Variants in NRXN3 observed in about 807,000 individuals in gnomAD.
NRXN3 encodes neurexin 3.
NRXN3 carries 32 observed loss-of-function variants against 137.6 expected under a neutral mutation model. The ratio of observed to expected loss-of-function variants is 0.23; its 90% CI spans 0.18 to 0.31. NRXN3 has a LOEUF of 0.31. Ranked by LOEUF, NRXN3 falls within the 10% of genes least tolerant of loss-of-function variation. The probability of loss-of-function intolerance (pLI) is 1.00; values close to 1 mark genes in which losing one functional copy is unlikely to be tolerated. For missense variants in NRXN3, 1,574 were observed against 2,062.5 expected (o/e 0.76, Z 4.59); for synonymous variants, 798 against 784.5 (o/e 1.02, Z -0.29).
intron 15 of NRXN3, among the ~76,000 whole-genome samples, chr14:79,366,169 T>A (rs1472456898): frequency 6.6e-6 from 1 of 152,134 alleles, no homozygotes; most frequent in Admixed American, 6.5e-5. Context: ...TTTAAAAATT[T>A]AAAATTTTTT....
intron 8 of NRXN3, among the ~76,000 whole-genome samples, chr14:78,770,017 T>A (rs1434148529): frequency 6.6e-6 from 1 of 151,922 alleles, no homozygotes; most frequent in Non-Finnish European, 1.5e-5. Context: ...AGGTGATAAA[T>A]AGGCAGATAT....
At chr14:79,240,389 C>T (rs1390561849) in intron 15 of NRXN3, among the ~76,000 whole-genome samples, 1 of 152,088 alleles carries the variant, frequency 6.6e-6, no homozygotes, top group Non-Finnish European at 1.5e-5. Context: ...TCTTGGGAAT[C>T]GCTCACTAAT....
chr14:79,274,943 T>C (rs1468113183), intron 15 of NRXN3, among the ~76,000 whole-genome samples: 8 of 152,194 alleles, frequency 5.3e-5, no homozygotes, highest in African/African-American at 1.7e-4. Context: ...AAGGATGCCA[T>C]TGTCTTTTTT....
In NRXN3 at chr14:79,563,663, T is replaced by TAAA. The variant is rs5809943; in HGVS notation, c.3444+96275_3444+96277dup. Reference sequence around the variant, plus strand: ...GGGATGAGCTTCCCACAAATAATGTTAAAAAAAAAAAAAAAAGGAGAAAGC... The same window carrying TAAA: ...GGGATGAGCTTCCCACAAATAATGTTAAAAAAAAAAAAAAAAAAAGGAGAAAGC... On this transcript the variant is annotated intron_variant, in intron 16 of 20. Transcript: ENST00000335750. 1.1e-4 allele frequency among the ~76,000 whole-genome samples: 15 copies of TAAA among 142,210 alleles called. No individual in the cohort carries two copies. The East Asian group carries it at 1.2e-3, about 12-fold the overall frequency. The allele number at this position is 142,210 out of a possible 152,430, so 93.3% of individuals were successfully genotyped here. A position where few individuals can be genotyped will look rare whatever the true frequency, so the allele number is the denominator to read the frequency against.
At position 79,569,628 on chromosome 14, in the gene NRXN3, T is replaced by TGAGA. The variant is rs1214410521; in HGVS notation, c.3445-94149_3445-94148insAGAG. On this transcript the variant is annotated intron_variant, in intron 16 of 20. Transcript: ENST00000335750. ...GTGTGTGTGTGTGTGTGTGTGTGTG[T>TGAGA]GTGAGAGAGAGAGAGAGAGAGACAG... 1.1e-3 allele frequency among the ~76,000 whole-genome samples: 155 copies of TGAGA among 147,094 alleles called. 1 individual carries two copies. Among genetic ancestry groups the TGAGA allele is most frequent in the African/African-American group, 3.6e-3 (143 of 39,716 alleles).
intron 10 of NRXN3, among the ~76,000 whole-genome samples, chr14:78,937,833 C>T (rs1201442507): frequency 2.0e-5 from 3 of 152,196 alleles, no homozygotes; most frequent in African/African-American, 4.8e-5. Flanking sequence ...AATTCACTGG[C>T]GTTTCTCAAA....
intron 15 of NRXN3, among the ~76,000 whole-genome samples, chr14:79,459,024 C>T (rs143543490): frequency 6.6e-6 from 1 of 150,874 alleles, no homozygotes; most frequent in Admixed American, 6.6e-5. Context: ...AGCCATTGTC[C>T]TTCTTTCCAT....
chr14:79,132,183 T>G (rs1596322603), intron 15 of NRXN3, among the ~76,000 whole-genome samples: 1 of 152,258 alleles, frequency 6.6e-6, no homozygotes, highest in Non-Finnish European at 1.5e-5. Flanking sequence ...CTGTTCCTAT[T>G]CCGCCATCTT....
chr14:78,213,768 G>A (rs1005582952), intron 1 of NRXN3, among the ~76,000 whole-genome samples: 6 of 152,140 alleles, frequency 3.9e-5, no homozygotes, highest in Admixed American at 1.3e-4. Flanking sequence ...CCCTCATAGG[G>A]GAGGGCCAGG....
chr14:79,448,417 A>G (rs566661647), intron 15 of NRXN3, among the ~76,000 whole-genome samples: 1 of 152,280 alleles, frequency 6.6e-6, no homozygotes, highest in South Asian at 2.1e-4. Flanking sequence ...ATTGTCTGCT[A>G]TCATTATTAG....
At chr14:79,773,291 G>A (rs1415405113) in intron 19 of NRXN3, among the ~76,000 whole-genome samples, 1 of 152,014 alleles carries the variant, frequency 6.6e-6, no homozygotes, top group African/African-American at 2.4e-5. Context: ...TATACCCAAA[G>A]GACTATAAAT....
intron 16 of NRXN3, among the ~76,000 whole-genome samples, chr14:79,648,796 T>C (rs1354298279): frequency 1.3e-5 from 2 of 152,106 alleles, no homozygotes; most frequent in African/African-American, 4.8e-5. Flanking sequence ...TTTCTCTGGA[T>C]AGATCTGGTA....
intron 17 of NRXN3, among the ~76,000 whole-genome samples, chr14:79,684,880 C>T (rs2098688670): frequency 6.6e-6 from 1 of 151,916 alleles, no homozygotes; most frequent in Non-Finnish European, 1.5e-5. Context: ...TACAGAGAAG[C>T]AGAGATGACA....
intron 15 of NRXN3, among the ~76,000 whole-genome samples, chr14:79,448,758 C>T (rs2096113300): frequency 6.6e-6 from 1 of 152,028 alleles, no homozygotes; most frequent in Non-Finnish European, 1.5e-5. Context: ...TATACATACA[C>T]ACATACATTC....
At chr14:78,566,381 T>G (rs1456666355) in intron 4 of NRXN3, among the ~76,000 whole-genome samples, 2 of 94,460 alleles carry the variant, frequency 2.1e-5, no homozygotes, top group African/African-American at 1.0e-4. Context: ...AAAATGTTGG[T>G]TTTTTTTTTT....
intron 16 of NRXN3, among the ~76,000 whole-genome samples, chr14:79,630,253 A>G (rs2098330884): frequency 6.6e-6 from 1 of 152,214 alleles, no homozygotes; most frequent in African/African-American, 2.4e-5. Flanking sequence ...CCCAAGAAGA[A>G]AAACATTCTT....
At chr14:79,232,202 C>T (rs961536041) in intron 15 of NRXN3, among the ~76,000 whole-genome samples, 1 of 152,068 alleles carries the variant, frequency 6.6e-6, no homozygotes, top group African/African-American at 2.4e-5. Context: ...CATCAGTTTT[C>T]ATCCCATGGC....
intron 20 of NRXN3, among the ~76,000 whole-genome samples, chr14:79,816,459 T>G (rs183925665): frequency 1.0e-3 from 159 of 152,336 alleles, no homozygotes; most frequent in Non-Finnish European, 1.8e-3. Context: ...AAATTAGAAC[T>G]CCTGATTACT....
chr14:78,229,488 G>C (rs1267672359), intron 1 of NRXN3, among the ~76,000 whole-genome samples: 1 of 152,050 alleles, frequency 6.6e-6, no homozygotes, highest in East Asian at 1.9e-4. Flanking sequence ...GATCTTCACT[G>C]TCCTCTCCAG....
Sources: gnomAD v4.1 joint callset for allele counts (sites outside exome capture counted in the v4.1 genomes callset) on GRCh38, gnomAD v4.1.1 for gene constraint, MANE v1.5 for transcripts, NCBI Gene and HGNC (gene_info 2026-07-23, HGNC 2026-07-21) for gene names.